SBF2: variants seen among roughly 807,000 people sequenced by gnomAD.
SBF2 encodes SET binding factor 2.
A neutral mutation model predicts 225.2 loss-of-function variants in SBF2; 112 were observed. That is an observed-to-expected ratio of 0.50 (90% confidence interval 0.43 to 0.58). The LOEUF (loss-of-function observed/expected upper bound fraction) is 0.58, where lower values mean the gene tolerates loss of function less well. SBF2 is among the 20% of genes least tolerant of loss of function. The pLI is 0.00. For missense variants in SBF2, 1,996 were observed against 2,206.2 expected (o/e 0.90, Z 1.91); for synonymous variants, 763 against 773.3 (o/e 0.99, Z 0.22).
intron 2 of SBF2, among the ~76,000 whole-genome samples, chr11:10,164,078 T>C (rs371288286): frequency 1.3e-5 from 2 of 152,202 alleles, no homozygotes; most frequent in African/African-American, 4.8e-5. Flanking sequence ...GGTGCCTCAG[T>C]GCATTCCATA....
intron 16 of SBF2, among the ~76,000 whole-genome samples, chr11:9,929,944 G>C (rs1302543097): frequency 1.3e-5 from 2 of 151,982 alleles, no homozygotes; most frequent in African/African-American, 2.4e-5. Context: ...TCATTGTTCA[G>C]CTCCCATGGA....
rs114660560 is a variant in SBF2, at chr11:10,102,427, G to T, written c.142-59446C>A. ...CTGTAACATGTAATTGAGACTACTGGAGAAACAGCTTGACATACAAGGTTG... is the reference window on the plus strand; with the variant it reads ...CTGTAACATGTAATTGAGACTACTGTAGAAACAGCTTGACATACAAGGTTG... On this transcript the variant is annotated intron_variant, in intron 2 of 39. Coordinates refer to ENST00000256190, the MANE Select transcript of SBF2 (RefSeq NM_030962.4). Among the ~76,000 whole-genome samples the T allele has an allele frequency of 3.2e-3, 489 of 152,274 alleles. 3 individuals are homozygous for T. The highest frequency in any genetic ancestry group is 0.011 in the African/African-American group (470 of 41,544).
At position 9,816,833 on chromosome 11, in the gene SBF2, A is replaced by G. The variant is rs1416833371; in HGVS notation, c.3978+7T>C. 2.0e-5 allele frequency: 32 copies of G among 1,613,832 alleles called. No homozygotes were observed. Among genetic ancestry groups the G allele is most frequent in the Middle Eastern group, 3.3e-4 (2 of 6,062 alleles). On this transcript the variant is annotated splice_region_variant and intron_variant, in intron 29 of 39. Transcript: ENST00000256190. ...AAAGTTTCTAAGTGAGAAAAAAGAA[A>G]TCTTACCCTTAGTTGCGACTTTTCA...
intron 8 of SBF2, among the ~76,000 whole-genome samples, chr11:10,000,521 A>C (rs1176711403): frequency 1.3e-5 from 2 of 151,902 alleles, no homozygotes; most frequent in African/African-American, 2.4e-5. Flanking sequence ...AAAACTCTTC[A>C]CTCTTTTGCA....
intron 2 of SBF2, among the ~76,000 whole-genome samples, chr11:10,103,460 G>A (rs1202282799): frequency 1.3e-5 from 2 of 152,158 alleles, no homozygotes; most frequent in Non-Finnish European, 2.9e-5. Flanking sequence ...TCATAATTCT[G>A]ATATGACTTA....
At chr11:10,118,304 T>G (rs917985447) in intron 2 of SBF2, among the ~76,000 whole-genome samples, 1 of 152,202 alleles carries the variant, frequency 6.6e-6, no homozygotes. Context: ...TCTTTTTGCA[T>G]TCCAGATTAC....
At chr11:10,004,449 T>C (rs1163256632) in intron 6 of SBF2, among the ~76,000 whole-genome samples, 1 of 151,440 alleles carries the variant, frequency 6.6e-6, no homozygotes, top group Non-Finnish European at 1.5e-5. Context: ...ACAATGATTA[T>C]ATAGCTGTGA....
intron 2 of SBF2, among the ~76,000 whole-genome samples, chr11:10,078,590 G>C (rs1951225375): frequency 6.6e-6 from 1 of 151,918 alleles, no homozygotes; most frequent in Admixed American, 6.6e-5. Flanking sequence ...GAGAACACAT[G>C]GACACAGGGA....
At chr11:10,187,917 G>A (rs374548884) in intron 2 of SBF2, among the ~76,000 whole-genome samples, 2 of 152,150 alleles carry the variant, frequency 1.3e-5, no homozygotes, top group African/African-American at 2.4e-5. Flanking sequence ...TGCAATGTGC[G>A]TGAGATAGAG....
intron 16 of SBF2, among the ~76,000 whole-genome samples, chr11:9,916,873 C>T (rs1339510255): frequency 6.7e-6 from 1 of 148,208 alleles, no homozygotes; most frequent in Non-Finnish European, 1.5e-5. Flanking sequence ...AGCAAATTAC[C>T]ATGCCTGACC....
intron 17 of SBF2, among the ~76,000 whole-genome samples, chr11:9,875,126 C>A (rs551805286): frequency 6.6e-6 from 1 of 152,332 alleles, no homozygotes; most frequent in South Asian, 2.1e-4. Flanking sequence ...GAAGAATTAT[C>A]TATCAAATCA....
intron 4 of SBF2, among the ~76,000 whole-genome samples, 182 bp downstream of exon 4, chr11:10,030,866 C>T (rs747709626): frequency 6.6e-6 from 1 of 152,158 alleles, no homozygotes; most frequent in Non-Finnish European, 1.5e-5. Flanking sequence ...GTCACATTAA[C>T]TTATTCAGGT....
intron 16 of SBF2, among the ~76,000 whole-genome samples, chr11:9,904,817 G>A (rs774609001): frequency 9.9e-5 from 15 of 152,146 alleles, no homozygotes; most frequent in Non-Finnish European, 1.9e-4. Context: ...TTGAGCTCAG[G>A]AGTTCAAGAC....
At chr11:9,794,602 T>C (rs937111699) in intron 33 of SBF2, among the ~76,000 whole-genome samples, 1 of 137,272 alleles carries the variant, frequency 7.3e-6, no homozygotes, top group African/African-American at 2.8e-5. Flanking sequence ...GAAATAGAGG[T>C]TGCAGTGAGC....
At chr11:10,266,276 A>T (rs1961979841) in intron 1 of SBF2, among the ~76,000 whole-genome samples, 1 of 152,182 alleles carries the variant, frequency 6.6e-6, no homozygotes, top group Non-Finnish European at 1.5e-5. Flanking sequence ...ATGCTACCTC[A>T]TACAGACCCT....
intron 16 of SBF2, among the ~76,000 whole-genome samples, chr11:9,903,493 CA>C (rs1452240693): frequency 6.6e-6 from 1 of 152,112 alleles, no homozygotes; most frequent in African/African-American, 2.4e-5. Flanking sequence ...GCAGCAAGCT[CA>C]ATTCTTGCCT....
chr11:10,279,561 C>G (rs903726240), intron 1 of SBF2, among the ~76,000 whole-genome samples: 1 of 152,158 alleles, frequency 6.6e-6, no homozygotes, highest in African/African-American at 2.4e-5. Context: ...TCTGTTAGTG[C>G]TAAGTTTACC....
chr11:10,157,925 T>C (rs1441531340), intron 2 of SBF2, among the ~76,000 whole-genome samples: 1 of 152,122 alleles, frequency 6.6e-6, no homozygotes, highest in African/African-American at 2.4e-5. Flanking sequence ...TTCTCCAGGA[T>C]AGATCAAGTT....
chr11:10,262,873 T>TTTTGCA (rs1961579985), intron 1 of SBF2, among the ~76,000 whole-genome samples: 1 of 152,136 alleles, frequency 6.6e-6, no homozygotes, highest in African/African-American at 2.4e-5. Flanking sequence ...CAAAGAGCTA[T>TTTTGCA]GACACCAGAG....
Sources: gnomAD v4.1 joint callset for allele counts (sites outside exome capture counted in the v4.1 genomes callset) on GRCh38, gnomAD v4.1.1 for gene constraint, MANE v1.5 for transcripts, NCBI Gene and HGNC (gene_info 2026-07-23, HGNC 2026-07-21) for gene names.